The following C6orf163 variants were observed in gnomAD, a reference collection of about 807,000 sequenced individuals.
C6orf163 encodes uncharacterized protein C6orf163.
In C6orf163, 22 loss-of-function variants were observed where a neutral mutation model predicts 28.4. The ratio of observed to expected loss-of-function variants is 0.78; its 90% CI spans 0.55 to 1.11. The LOEUF is 1.11. Ranked by LOEUF, C6orf163 falls within the 50% of genes least tolerant of loss-of-function variation. The probability of loss-of-function intolerance (pLI) is 0.00; values close to 1 mark genes in which losing one functional copy is unlikely to be tolerated. For missense variants in C6orf163, 342 were observed against 389.1 expected, an observed-to-expected ratio of 0.88 and a Z score of 1.02; for synonymous variants, 110 against 123.6, an observed-to-expected ratio of 0.89 and a Z score of 0.73.
intron 1 of C6orf163, chr6:87,347,544 C>T: frequency 2.0e-6 from 2 of 985,406 alleles, no homozygotes; most frequent in Non-Finnish European, 1.2e-6. Context: ...GTGTCCATCT[C>T]CACCGTAATA....
chr6:87,355,281 C>T (rs1777482374), intron 3 of C6orf163, among the ~76,000 whole-genome samples: 2 of 152,204 alleles, frequency 1.3e-5, no homozygotes, highest in Non-Finnish European at 2.9e-5. Context: ...TACCTTTGGG[C>T]TGGGCACGGT....
Position 87,362,204 on chromosome 6 carries a change from C to T in C6orf163, c.555-2757C>T, listed in dbSNP as rs551399415. On this transcript the variant is annotated intron_variant, in intron 4 of 4. Coordinates refer to ENST00000388923, the MANE Select transcript of C6orf163 (RefSeq NM_001010868.3). ...GTTATAAGTAAAAATAGGTCAGGCA[C>T]GGTGGCTCACACCTGTAATCCCAGC... Among the ~76,000 whole-genome samples the T allele has an allele frequency of 2.6e-5, 4 of 152,288 alleles. No individual in the cohort carries two copies. In the South Asian group the frequency reaches 8.3e-4, roughly 32 times the overall value.
Position 87,351,663 on chromosome 6 carries a change from C to T in C6orf163, c.351+1162C>T, listed in dbSNP as rs1276020140. Among the ~76,000 whole-genome samples the T allele has an allele frequency of 2.0e-5, 3 of 152,352 alleles. No individual in the cohort carries two copies. In the South Asian group the frequency reaches 6.2e-4, roughly 32 times the overall value. On this transcript the variant is annotated intron_variant, in intron 3 of 4. Coordinates refer to ENST00000388923, the MANE Select transcript of C6orf163 (RefSeq NM_001010868.3). ...AGGCCTGCTCTTCAGCTGCTATGTA[C>T]AAGTATGGCCATACTGGCAATTAAA...
chr6:87,356,222 A>T, intron 3 of C6orf163, 79 bp from the exon 4 acceptor site: 2 of 1,136,710 alleles, frequency 1.8e-6, no homozygotes, highest in Non-Finnish European at 2.6e-6. Context: ...AGATAAAACT[A>T]TGGTTTAAAT....
chr6:87,363,503 C>A (rs569850703), intron 4 of C6orf163, among the ~76,000 whole-genome samples: 14 of 151,928 alleles, frequency 9.2e-5, no homozygotes, highest in Non-Finnish European at 1.6e-4. Flanking sequence ...CCGCTCCCCC[C>A]ACCCCACAAC....
intron 1 of C6orf163, chr6:87,348,154 C>CA (rs558510761): frequency 5.1e-4 from 486 of 945,578 alleles, no homozygotes; most frequent in Middle Eastern, 2.2e-3. Flanking sequence ...GACTCCCTCT[C>CA]AAAAAAAAAG....
At chr6:87,349,999 C>G (rs943823638) in intron 2 of C6orf163, among the ~76,000 whole-genome samples, 1 of 152,328 alleles carries the variant, frequency 6.6e-6, no homozygotes, top group Non-Finnish European at 1.5e-5. Context: ...CTTTACTCAG[C>G]TCCTTCTAGC....
chr6:87,364,901 A>C, intron 4 of C6orf163, 60 bp from the exon 5 acceptor site: 1 of 1,295,498 alleles, frequency 7.7e-7, no homozygotes, highest in South Asian at 1.5e-5. Context: ...TTAAAGATGA[A>C]ATTATTTTGT....
At chr6:87,360,753 G>A (rs1777568743) in intron 4 of C6orf163, among the ~76,000 whole-genome samples, 1 of 152,108 alleles carries the variant, frequency 6.6e-6, no homozygotes. Flanking sequence ...CTTTAAACTT[G>A]TAGTGTTATT....
At chr6:87,350,527 C>T in intron 3 of C6orf163, 26 bp downstream of exon 3, 1 of 1,295,330 alleles carries the variant, frequency 7.7e-7, no homozygotes, top group Non-Finnish European at 1.1e-6. Flanking sequence ...TATTTGTTGT[C>T]TTTTAAAAGT....
chr6:87,348,889 G>T lies in C6orf163; in HGVS notation c.226G>T (p.Ala76Ser). The T allele has an allele frequency of 6.5e-7, 1 of 1,537,458 alleles. No homozygotes were observed. Among genetic ancestry groups the T allele is most frequent in the Non-Finnish European group, 8.7e-7 (1 of 1,146,926 alleles). ...CAGAGAACACATTGCGAAAGCAGAAGCTGAAGTATGGGCTCAGGTAAAAGA... is the reference window on the plus strand; with the variant it reads ...CAGAGAACACATTGCGAAAGCAGAATCTGAAGTATGGGCTCAGGTAAAAGA... ...ILREHIAKAE[A>S]EVWAQANERQ... Residue 76 changes from alanine to serine, a missense_variant, in exon 2 of 5, where the codon GCT becomes TCT. By Grantham distance (99) the Ala-to-Ser change is moderately conservative. Transcript: ENST00000388923.
intron 1 of C6orf163, chr6:87,347,818 G>A: frequency 2.0e-6 from 2 of 985,568 alleles, no homozygotes; most frequent in Non-Finnish European, 2.4e-6. Context: ...AAGGAGGAAT[G>A]TGGATCCAGA....
In C6orf163 at chr6:87,346,835, A is replaced by G. The variant is rs1191499307; in HGVS notation, c.148+1588A>G. Reference sequence around the variant, plus strand: ...ACGTTTAAATAACCTTTTTTATTTCAAGATAGTTTAAGACTCACAAGTTGC... The same window carrying G: ...ACGTTTAAATAACCTTTTTTATTTCGAGATAGTTTAAGACTCACAAGTTGC... On this transcript the variant is annotated intron_variant, in intron 1 of 4. Transcript: ENST00000388923. Among the ~76,000 whole-genome samples the G allele has an allele frequency of 5.3e-5, 8 of 152,292 alleles. 1 individual carries two copies. In the East Asian group the frequency reaches 1.5e-3, roughly 29 times the overall value.
chr6:87,348,503 A>G, intron 1 of C6orf163: 2 of 1,088,862 alleles, frequency 1.8e-6, no homozygotes, highest in Non-Finnish European at 2.2e-6. Flanking sequence ...TTCACTCATC[A>G]TTCTACTTTG....
At chr6:87,350,552 A>T (rs762138848) in intron 3 of C6orf163, 51 bp downstream of exon 3, 108 of 1,093,222 alleles carry the variant, frequency 9.9e-5, no homozygotes, top group Non-Finnish European at 1.3e-4. Context: ...ACATTAGTAA[A>T]AAGAAAAGTT....
rs1184371126 is a variant in C6orf163 at position 87,348,831 on chromosome 6, G to GA, written c.174dup (p.Glu59ArgfsTer19). ...ACACAGATATTGGGGCAAATATTCTGAAAAAAGAAGAGCAGTTTCAAGAAG... is the reference window on the plus strand; with the variant it reads ...ACACAGATATTGGGGCAAATATTCTGAAAAAAAGAAGAGCAGTTTCAAGAAG... On this transcript the variant is annotated frameshift_variant, in exon 2 of 5. Coordinates refer to ENST00000388923, the MANE Select transcript of C6orf163 (RefSeq NM_001010868.3). LOFTEE classifies it high-confidence loss of function. 5 of 1,537,192 alleles carry GA rather than the reference G, an allele frequency of 3.3e-6. No individual in the cohort carries two copies. The Admixed American group carries it at 9.8e-5, about 30-fold the overall frequency.
intron 3 of C6orf163, among the ~76,000 whole-genome samples, chr6:87,353,401 T>C (rs1777449148): frequency 6.6e-6 from 1 of 151,864 alleles, no homozygotes; most frequent in Admixed American, 6.6e-5. Context: ...ACACATTGTA[T>C]GCCTATATCA....
At chr6:87,347,779 T>C (rs1416832470) in intron 1 of C6orf163, 98 of 985,430 alleles carry the variant, frequency 9.9e-5, no homozygotes, top group Admixed American at 2.5e-4. Flanking sequence ...GGTTTACTGC[T>C]GCAGCTAGAC....
intron 3 of C6orf163, among the ~76,000 whole-genome samples, chr6:87,354,451 C>T (rs1222694418): frequency 1.3e-5 from 2 of 152,188 alleles, no homozygotes; most frequent in East Asian, 3.8e-4. Flanking sequence ...TCATCTTTGT[C>T]TACCAAGCCT....
Sources: gnomAD v4.1 joint callset for allele counts (sites outside exome capture counted in the v4.1 genomes callset) on GRCh38, gnomAD v4.1.1 for gene constraint, MANE v1.5 for transcripts, NCBI Gene and HGNC (gene_info 2026-07-23, HGNC 2026-07-21) for gene names.